MAPT: variants seen among roughly 807,000 people sequenced by gnomAD.
MAPT encodes the protein microtubule-associated protein tau.
Under a neutral mutation model 67.9 loss-of-function variants are expected in MAPT, and 34 were observed. The ratio of observed to expected loss-of-function variants is 0.50; its 90% CI spans 0.38 to 0.67. The LOEUF is 0.67. Ranked by LOEUF, MAPT falls within the 30% of genes least tolerant of loss-of-function variation. The probability of loss-of-function intolerance (pLI) is 0.00; values close to 1 mark genes in which losing one functional copy is unlikely to be tolerated. For synonymous variants in MAPT, 456 were observed against 464.5 expected (o/e 0.98, Z 0.23); for missense variants, 881 against 1,115.2 (o/e 0.79, Z 2.99).
chr17:46,014,111 G>T, intron 10 of MAPT, 132 bp from the exon 11 acceptor site: 1 of 702,290 alleles, frequency 1.4e-6, no homozygotes, highest in Non-Finnish European at 2.6e-6. Flanking sequence ...TGTCCAATAA[G>T]GGCCTGGGCT....
intron 10 of MAPT, among the ~76,000 whole-genome samples, chr17:46,012,932 A>T (rs888713573): frequency 2.0e-5 from 3 of 151,812 alleles, no homozygotes; most frequent in African/African-American, 7.3e-5. Flanking sequence ...CTGTCCCCCA[A>T]CGTCCTTGCC....
At chr17:46,007,411 C>A (rs553443163) in intron 9 of MAPT, among the ~76,000 whole-genome samples, 1 of 152,064 alleles carries the variant, frequency 6.6e-6, no homozygotes, top group Non-Finnish European at 1.5e-5. Context: ...TGCTTGAGCC[C>A]AGGAGTTTAA....
At chr17:45,990,321 C>T (rs1381176307) in intron 7 of MAPT, among the ~76,000 whole-genome samples, 1 of 152,062 alleles carries the variant, frequency 6.6e-6, no homozygotes, top group Non-Finnish European at 1.5e-5. Context: ...GTTTCGAAAT[C>T]GCTACTCTAA....
At chr17:45,991,682 C>T (rs2074067850) in intron 8 of MAPT, 96 bp downstream of exon 8, 1 of 1,555,006 alleles carries the variant, frequency 6.4e-7, no homozygotes, top group Non-Finnish European at 8.9e-7. Context: ...GAATGAATAA[C>T]CCCTGGCAGC....
At chr17:45,907,009 G>T (rs748364972) in intron 1 of MAPT, among the ~76,000 whole-genome samples, 57 of 152,212 alleles carry the variant, frequency 3.7e-4, no homozygotes, top group Non-Finnish European at 7.6e-4. Flanking sequence ...TATCCAATCC[G>T]TTTTGCATGC....
intron 11 of MAPT, among the ~76,000 whole-genome samples, chr17:46,015,865 T>A (rs2076145138): frequency 6.6e-6 from 1 of 152,052 alleles, no homozygotes; most frequent in Non-Finnish European, 1.5e-5. Flanking sequence ...CCACAAAAAT[T>A]AAAAAAATAT....
At chr17:45,905,639 CCT>C (rs757377951) in intron 1 of MAPT, among the ~76,000 whole-genome samples, 1 of 152,152 alleles carries the variant, frequency 6.6e-6, no homozygotes, top group Non-Finnish European at 1.5e-5. Context: ...TTTGTGGGCC[CCT>C]GTTATCACTG....
chr17:45,983,055 C>G lies in MAPT; in HGVS notation c.476C>G (p.Pro159Arg). Residue 159 changes from proline to arginine, a missense_variant, in exon 5 of 13, where the codon CCA (proline) becomes CGA (arginine). By Grantham distance (103) the Pro-to-Arg change is moderately radical. This residue lies in a region of MAPT where 687 missense variants were observed against 766.1 expected (regional missense o/e 0.90). Transcript: ENST00000262410. ...ASLPQHRPVC[P>R]APPPTGGPQE... ...CTTCCTCAGCACCGTCCCGTTTGCCCAGCGCCTCCTCCAACAGGAGGCCCT... is the reference window on the plus strand; with the variant it reads ...CTTCCTCAGCACCGTCCCGTTTGCCGAGCGCCTCCTCCAACAGGAGGCCCT... 6.6e-7 allele frequency: 1 copy of G among 1,525,064 alleles called. No individual in the cohort carries two copies. Among genetic ancestry groups the G allele is most frequent in the South Asian group, 1.2e-5 (1 of 82,132 alleles). The allele number at this position is 1,525,064 out of a possible 1,614,324, so 94.5% of individuals were successfully genotyped here.
chr17:45,986,628 T>C (rs1263383798), intron 5 of MAPT, among the ~76,000 whole-genome samples: 1 of 152,168 alleles, frequency 6.6e-6, no homozygotes, highest in Non-Finnish European at 1.5e-5. Context: ...GCCCTGAGGC[T>C]TTTAAAACAC....
chr17:45,922,548 C>T (rs1344247724), intron 1 of MAPT, among the ~76,000 whole-genome samples: 1 of 144,566 alleles, frequency 6.9e-6, no homozygotes, highest in Non-Finnish European at 1.5e-5. Flanking sequence ...GTTTTATATT[C>T]TACCTATATG....
At chr17:45,941,098 A>G (rs952215264) in intron 1 of MAPT, among the ~76,000 whole-genome samples, 20 of 152,194 alleles carry the variant, frequency 1.3e-4, no homozygotes, top group African/African-American at 4.3e-4. Flanking sequence ...GAGACCGGAG[A>G]GGCTGAGGCC....
intron 1 of MAPT, among the ~76,000 whole-genome samples, chr17:45,934,405 T>C (rs2067133129): frequency 6.6e-6 from 1 of 152,216 alleles, no homozygotes; most frequent in Non-Finnish European, 1.5e-5. Flanking sequence ...AAATACAGTA[T>C]GTTGAATCAA....
chr17:45,926,837 A>T (rs1443743857), intron 1 of MAPT, among the ~76,000 whole-genome samples: 1 of 152,118 alleles, frequency 6.6e-6, no homozygotes, highest in Non-Finnish European at 1.5e-5. Context: ...AGGGTGCAGT[A>T]TCATGATGTC....
intron 1 of MAPT, among the ~76,000 whole-genome samples, chr17:45,912,193 G>A (rs928031712): frequency 6.6e-6 from 1 of 152,158 alleles, no homozygotes; most frequent in East Asian, 1.9e-4. Context: ...TAAAACACAG[G>A]GCATCTGTGA....
intron 8 of MAPT, chr17:45,994,018 C>T (rs1031600453): frequency 5.9e-6 from 9 of 1,525,882 alleles, no homozygotes; most frequent in South Asian, 4.8e-5. Context: ...CCTCCCTTTG[C>T]GTGTGTGGCC....
rs754743520 is a variant in MAPT, at chr17:46,018,676, G to A, written c.2232G>A (p.Ser744=). ...EKLDFKDRVQ[S]KIGSLDNITH... ...TTGACTTCAAGGACAGAGTCCAGTC[G>A]AAGATTGGGTCCCTGGACAATATCA... Residue 744 remains serine (S), a synonymous_variant, in exon 12 of 13, where the codon TCG becomes TCA. Coordinates refer to ENST00000262410, the MANE Select transcript of MAPT (RefSeq NM_001377265.1). 2.2e-5 allele frequency: 36 copies of A among 1,614,106 alleles called. No individual in the cohort carries two copies. In the South Asian group the frequency reaches 3.2e-4, roughly 14 times the overall value.
In MAPT at chr17:45,982,944, C is replaced by T; in HGVS notation, c.365C>T (p.Pro122Leu). The T allele has an allele frequency of 5.6e-6, 8 of 1,423,926 alleles. No individual in the cohort carries two copies. The highest frequency in any genetic ancestry group is 7.3e-6 in the Non-Finnish European group (8 of 1,092,858). The allele number at this position is 1,423,926 out of a possible 1,614,324, so 88.2% of individuals were successfully genotyped here. ...LANEISAHVQ[P>L]GPCGEASGVS... Reference sequence around the variant, plus strand: ...AATGAGATTAGCGCCCACGTCCAGCCTGGACCCTGCGGAGAGGCCTCTGGG... The same window carrying T: ...AATGAGATTAGCGCCCACGTCCAGCTTGGACCCTGCGGAGAGGCCTCTGGG... Residue 122 changes from proline (P) to leucine (L), a missense_variant, in exon 5 of 13, where the codon CCT (proline) becomes CTT (leucine). Around this residue, in one of 6 missense-constraint regions of MAPT, gnomAD observed 687 missense variants for 766.1 expected, o/e 0.90. Coordinates refer to ENST00000262410, the MANE Select transcript of MAPT (RefSeq NM_001377265.1).
intron 1 of MAPT, among the ~76,000 whole-genome samples, chr17:45,919,928 A>G (rs746607224): frequency 6.6e-6 from 1 of 152,112 alleles, no homozygotes; most frequent in Non-Finnish European, 1.5e-5. Flanking sequence ...AAACAAACAA[A>G]CAAACAAAAG....
rs2075774297 is a variant in MAPT, at chr17:46,010,808, A to T, written c.2091+406A>T. Among the ~76,000 whole-genome samples, 4 of 152,178 alleles carry T rather than the reference A, an allele frequency of 2.6e-5. No homozygotes were observed. The highest frequency in any genetic ancestry group is 2.6e-4 in the Admixed American group (4 of 15,278). ...GTTGGGCTGAAGGTGGTGGCACCTG[A>T]GACTGGGCTGCCGCCTCCTCCCCCG... On this transcript the variant is annotated intron_variant, in intron 10 of 12. Coordinates refer to ENST00000262410, the MANE Select transcript of MAPT (RefSeq NM_001377265.1). This position sits in a 1 kb window ranked among gnomAD's most constrained non-coding sequence, Gnocchi z 4.7.
Sources: allele counts gnomAD v4.1 joint callset (sites outside exome capture counted in the v4.1 genomes callset), GRCh38; gene constraint gnomAD v4.1.1; regional missense constraint gnomAD v4.1.1; non-coding constraint Gnocchi (gnomAD v3.1); transcripts MANE v1.5; gene names NCBI Gene and HGNC (gene_info 2026-07-23, HGNC 2026-07-21).